Variants in NAB2 observed in about 807,000 individuals in gnomAD.
NAB2 encodes NGFI-A-binding protein 2.
Under a neutral mutation model 44.2 loss-of-function variants are expected in NAB2, and 9 were observed. The observed-to-expected ratio is 0.20, with a 90% CI of 0.12 to 0.36. The LOEUF (loss-of-function observed/expected upper bound fraction) is 0.36. NAB2 is among the 10% of genes least tolerant of loss of function. The pLI is 1.00. For synonymous variants in NAB2, 342 were observed against 291.0 expected, an observed-to-expected ratio of 1.18 and a Z score of -1.78; for missense variants, 514 against 709.0, an observed-to-expected ratio of 0.73 and a Z score of 3.12.
intron 6 of NAB2, among the ~76,000 whole-genome samples, chr12:57,093,976 A>G (rs934302579): frequency 1.3e-5 from 2 of 152,104 alleles, no homozygotes; most frequent in African/African-American, 2.4e-5. Flanking sequence ...GCTTGGAAGC[A>G]GAGGAGCCCA....
chr12:57,089,167 T>G lies in NAB2; in HGVS notation c.-105T>G. The G allele has an allele frequency of 8.3e-7, 1 of 1,202,476 alleles. No individual in the cohort carries two copies. Among genetic ancestry groups the G allele is most frequent in the Non-Finnish European group, 1.2e-6 (1 of 845,406 alleles). The allele number at this position is 1,202,476 out of a possible 1,614,324, so 74.5% of individuals were successfully genotyped here. Reference sequence around the variant, plus strand: ...AAGACGTGGAGGGAGGGACAGAGCCTGGACAGCGGTGGACACGGCATCGTG... The same window carrying G: ...AAGACGTGGAGGGAGGGACAGAGCCGGGACAGCGGTGGACACGGCATCGTG... On this transcript the variant is annotated 5_prime_UTR_variant, in exon 1 of 7. Coordinates refer to ENST00000300131, the MANE Select transcript of NAB2 (RefSeq NM_005967.4).
At chr12:57,092,772 C>A in intron 3 of NAB2, 145 bp from the exon 4 acceptor site, 1 of 1,317,854 alleles carries the variant, frequency 7.6e-7, no homozygotes. Flanking sequence ...CCCCCTACAA[C>A]AATAGTGCTT....
intron 6 of NAB2, 93 bp from the exon 7 acceptor site, chr12:57,094,519 T>C (rs887776682): frequency 9.9e-7 from 1 of 1,014,740 alleles, no homozygotes; most frequent in African/African-American, 1.6e-5. Context: ...GAGCCCATCT[T>C]CACAGCTTTC....
chr12:57,093,874 G>C (rs186547360), intron 6 of NAB2, among the ~76,000 whole-genome samples: 1 of 152,238 alleles, frequency 6.6e-6, no homozygotes, highest in African/African-American at 2.4e-5. Context: ...CAGGAAGGAG[G>C]AGCATCAATA....
intron 6 of NAB2, 53 bp downstream of exon 6, chr12:57,093,651 A>G (rs2033251380): frequency 2.1e-6 from 3 of 1,426,710 alleles, no homozygotes; most frequent in Non-Finnish European, 2.8e-6. Flanking sequence ...CAGGCCCCAC[A>G]CAGCAATTCT....
chr12:57,093,256 G>A (rs1356617190), intron 5 of NAB2, 61 bp downstream of exon 5: 17 of 1,519,278 alleles, frequency 1.1e-5, no homozygotes, highest in Non-Finnish European at 1.5e-5. Flanking sequence ...GGAGGGGGTT[G>A]GGGGAGGAGT....
chr12:57,091,801 C>T lies in NAB2; in HGVS notation c.760C>T (p.Arg254Trp), dbSNP rs200672078. 2.7e-5 allele frequency: 44 copies of T among 1,614,122 alleles called. No homozygotes were observed. In the Admixed American group the frequency reaches 4.5e-4, roughly 17 times the overall value. Reference sequence around the variant, plus strand: ...GGTGGAAAGTGTGGAGAGGATCTTCCGGAGCTTCCCAAGGGGGGATGCTGG... The same window carrying T: ...GGTGGAAAGTGTGGAGAGGATCTTCTGGAGCTTCCCAAGGGGGGATGCTGG... Reference protein sequence around the residue: ...MVVESVERIFRSFPRGDAGEV... With the variant: ...MVVESVERIFWSFPRGDAGEV... The change falls in exon 2 of 7, where the codon CGG becomes TGG. Residue 254 changes from arginine (R) to tryptophan (W), a missense_variant. Arg to Trp is a moderately radical substitution (Grantham distance 101). Coordinates refer to ENST00000300131, the MANE Select transcript of NAB2 (RefSeq NM_005967.4). The surrounding 1 kb of genome is among the most constrained non-coding windows in gnomAD (Gnocchi z 7.3).
At chr12:57,094,382 A>AAG (rs764632603) in intron 6 of NAB2, among the ~76,000 whole-genome samples, 3 of 151,680 alleles carry the variant, frequency 2.0e-5, no homozygotes, top group African/African-American at 7.3e-5. Context: ...GCGGGAGAGA[A>AAG]AGAGAGAGAG....
chr12:57,089,404 C>T (rs2033124292), intron 1 of NAB2, 50 bp downstream of exon 1: 3 of 1,296,926 alleles, frequency 2.3e-6, no homozygotes, highest in Non-Finnish European at 2.0e-6. Flanking sequence ...TGGAGCTGGA[C>T]TTGGGAATGG....
chr12:57,094,437 T>A (rs2033291906), intron 6 of NAB2, among the ~76,000 whole-genome samples, 175 bp from the exon 7 acceptor site: 1 of 151,852 alleles, frequency 6.6e-6, no homozygotes, highest in Non-Finnish European at 1.5e-5. Flanking sequence ...GGGAGGGGGC[T>A]CACACACATG....
Position 57,093,511 on chromosome 12 carries a change from G to T in NAB2, c.1381G>T (p.Asp461Tyr). 1 of 1,579,746 alleles carries T rather than the reference G, an allele frequency of 6.3e-7. No homozygotes were observed. ...ACACATCCTGCAGCAGACACTGATG[G>T]ACGAGGGGCTGCGGCTCGCCCGCCT... The part of the protein sequence containing the change: ...SRHILQQTLM[D>Y]EGLRLARLVS... The change falls in exon 6 of 7, where the codon GAC (aspartate) becomes TAC (tyrosine). Residue 461 changes from aspartate (D) to tyrosine (Y), a missense_variant. Around this residue, in one of 5 missense-constraint regions of NAB2, gnomAD observed 194 missense variants for 223.9 expected, o/e 0.87. Transcript: ENST00000300131.
Position 57,094,912 on chromosome 12 carries a change from A to T in NAB2, c.*191A>T. ...ACAAGCAGAGGCCTGGAGAGAGGACACAAGGAGGGTGCGTGGTGCCCTCAC... is the reference window on the plus strand; with the variant it reads ...ACAAGCAGAGGCCTGGAGAGAGGACTCAAGGAGGGTGCGTGGTGCCCTCAC... On this transcript the variant is annotated 3_prime_UTR_variant, in exon 7 of 7. Coordinates refer to ENST00000300131, the MANE Select transcript of NAB2 (RefSeq NM_005967.4). 1 of 596,138 alleles carries T rather than the reference A, an allele frequency of 1.7e-6. No homozygotes were observed. Among genetic ancestry groups the T allele is most frequent in the South Asian group, 2.0e-5 (1 of 49,608 alleles). The allele number at this position is 596,138 out of a possible 1,614,324, so 36.9% of individuals were successfully genotyped here.
intron 1 of NAB2, 140 bp downstream of exon 1, chr12:57,089,494 T>G (rs1592530462): frequency 4.0e-5 from 27 of 671,538 alleles, no homozygotes; most frequent in East Asian, 6.8e-5. Flanking sequence ...GAAAAGGGGG[T>G]GCGTCTTCGA....
rs1320252504 is a variant in NAB2 at position 57,094,821 on chromosome 12, TC to T, written c.*102del. ...GAATCTAGTCACAACCCTGGATCCT[TC>T]CTCTGCCCTTCTCCTGCCTCCCCAC... On this transcript the variant is annotated 3_prime_UTR_variant, in exon 7 of 7. Transcript: ENST00000300131. 1 of 970,192 alleles carries T rather than the reference TC, an allele frequency of 1.0e-6. No homozygotes were observed. The highest frequency in any genetic ancestry group is 2.6e-5 in the East Asian group (1 of 38,034). The allele number at this position is 970,192 out of a possible 1,614,324, so 60.1% of individuals were successfully genotyped here.
At chr12:57,090,376 C>T (rs1201110344) in intron 1 of NAB2, among the ~76,000 whole-genome samples, 3 of 152,164 alleles carry the variant, frequency 2.0e-5, no homozygotes, top group African/African-American at 7.2e-5. Context: ...CTCAGCTACT[C>T]AGGAGGCTGA....
intron 3 of NAB2, 138 bp downstream of exon 3, chr12:57,092,719 C>T (rs2033217754): frequency 1.5e-6 from 2 of 1,355,830 alleles, no homozygotes; most frequent in South Asian, 2.8e-5. Context: ...GTCAGCTTGT[C>T]TCAGGTCTGG....
In NAB2 at chr12:57,091,535, A is replaced by C; in HGVS notation, c.494A>C (p.Glu165Ala). Residue 165 changes from glutamate to alanine, a missense_variant, in exon 2 of 7, where the codon GAA becomes GCA. By Grantham distance (107) the Glu-to-Ala change is moderately radical. Coordinates refer to ENST00000300131, the MANE Select transcript of NAB2 (RefSeq NM_005967.4). This position sits in a 1 kb window ranked among gnomAD's most constrained non-coding sequence, Gnocchi z 7.3. ...ARSFSPKSPL[E>A]LGEKLSPLPG... ...AGTTTTAGCCCCAAGAGCCCCCTTGAACTTGGAGAGAAGCTATCACCACTG... is the reference window on the plus strand; with the variant it reads ...AGTTTTAGCCCCAAGAGCCCCCTTGCACTTGGAGAGAAGCTATCACCACTG... 2 of 1,613,030 alleles carry C rather than the reference A, an allele frequency of 1.2e-6. No individual in the cohort carries two copies. Among genetic ancestry groups the C allele is most frequent in the Non-Finnish European group, 1.7e-6 (2 of 1,179,428 alleles).
rs369086122 is a variant in NAB2, at chr12:57,094,661, C to T, written c.1518C>T (p.Pro506=). 44 of 1,555,992 alleles carry T rather than the reference C, an allele frequency of 2.8e-5. No individual in the cohort carries two copies. The highest frequency in any genetic ancestry group is 1.7e-4 in the Middle Eastern group (1 of 5,996). ...GATGTCCTGCCCCAGGACCCCATCCCGCGCTGGTGGAGGGTCGCAGGAGCA... is the reference window on the plus strand; with the variant it reads ...GATGTCCTGCCCCAGGACCCCATCCTGCGCTGGTGGAGGGTCGCAGGAGCA... ...LDRCPAPGPH[P]ALVEGRRSSV... is the part of the protein sequence containing the mutation. The change falls in exon 7 of 7, where the codon CCC becomes CCT. Residue 506 remains proline (P), a synonymous_variant. Transcript: ENST00000300131.
rs760448108 is a variant in NAB2, at chr12:57,091,750, C to T, written c.709C>T (p.Leu237=). 6.2e-7 allele frequency: 1 copy of T among 1,614,132 alleles called. No homozygotes were observed. The highest frequency in any genetic ancestry group is 1.1e-5 in the South Asian group (1 of 91,078). The change falls in exon 2 of 7, where the codon CTG becomes TTG. Residue 237 remains leucine (L), a synonymous_variant. Transcript: ENST00000300131. This position sits in a 1 kb window ranked among gnomAD's most constrained non-coding sequence, Gnocchi z 7.3. The part of the protein sequence containing the change: ...AGGTGGGPDR[L]EPEMVRMVVE... Reference sequence around the variant, plus strand: ...TGGGACTGGGGGTGGTCCAGACCGACTGGAGCCAGAGATGGTACGCATGGT... The same window carrying T: ...TGGGACTGGGGGTGGTCCAGACCGATTGGAGCCAGAGATGGTACGCATGGT...
Sources: allele counts gnomAD v4.1 joint callset (sites outside exome capture counted in the v4.1 genomes callset), GRCh38; gene constraint gnomAD v4.1.1; regional missense constraint gnomAD v4.1.1; non-coding constraint Gnocchi (gnomAD v3.1); transcripts MANE v1.5; gene names NCBI Gene and HGNC (gene_info 2026-07-23, HGNC 2026-07-21).